Variants in ABLIM1 observed in about 807,000 individuals in gnomAD.
ABLIM1 encodes actin binding LIM protein 1, also known as actin-binding LIM protein 1.
ABLIM1 carries 40 observed loss-of-function variants against 107.0 expected under a neutral mutation model. The observed-to-expected ratio is 0.37, with a 90% CI of 0.29 to 0.49. The LOEUF is 0.49. Ranked by LOEUF, ABLIM1 falls within the 20% of genes least tolerant of loss-of-function variation. ABLIM1 has a pLI of 0.97. For synonymous variants in ABLIM1, 357 were observed against 357.3 expected, an observed-to-expected ratio of 1.00 and a Z score of 0.01; for missense variants, 857 against 1,008.5, an observed-to-expected ratio of 0.85 and a Z score of 2.04.
chr10:114,514,991 A>G (rs2062580514), intron 6 of ABLIM1, among the ~76,000 whole-genome samples: 5 of 152,228 alleles, frequency 3.3e-5, no homozygotes, highest in Admixed American at 3.3e-4. Flanking sequence ...GAGAAATGAA[A>G]AATCTAACAC....
chr10:114,562,071 C>T (rs56757634), intron 4 of ABLIM1, among the ~76,000 whole-genome samples: 10,661 of 152,208 alleles, frequency 0.07, 499 homozygotes, highest in African/African-American at 0.14. Flanking sequence ...AGCCTCTCAA[C>T]ACCTCTCTCA....
At chr10:114,747,083 A>G (rs978814133) in intron 1 of ABLIM1, among the ~76,000 whole-genome samples, 9 of 152,226 alleles carry the variant, frequency 5.9e-5, no homozygotes, top group Non-Finnish European at 1.2e-4. Flanking sequence ...TGTAGAAGGA[A>G]AAGTCTTCAT....
chr10:114,512,773 C>G (rs898047244), intron 6 of ABLIM1, among the ~76,000 whole-genome samples: 1 of 150,138 alleles, frequency 6.7e-6, no homozygotes, highest in African/African-American at 2.5e-5. Flanking sequence ...TGCGGTGAGC[C>G]GAGATCGTGC....
chr10:114,575,312 T>C, intron 3 of ABLIM1, 104 bp downstream of exon 3: 2 of 1,253,510 alleles, frequency 1.6e-6, no homozygotes, highest in African/African-American at 1.5e-5. Context: ...GATAAGAGTA[T>C]GTGCTACTCA....
At chr10:114,736,522 T>C (rs1410141614) in intron 1 of ABLIM1, among the ~76,000 whole-genome samples, 1 of 152,214 alleles carries the variant, frequency 6.6e-6, no homozygotes, top group Non-Finnish European at 1.5e-5. Context: ...ACAAAGGAGA[T>C]ATTTATGCTG....
At chr10:114,650,268 T>C (rs763939222) in intron 1 of ABLIM1, among the ~76,000 whole-genome samples, 1 of 152,220 alleles carries the variant, frequency 6.6e-6, no homozygotes, top group Non-Finnish European at 1.5e-5. Flanking sequence ...TAATCAGCAC[T>C]GGGTCATGCC....
chr10:114,639,239 A>G (rs2078624659), intron 1 of ABLIM1, among the ~76,000 whole-genome samples: 1 of 152,174 alleles, frequency 6.6e-6, no homozygotes, highest in Non-Finnish European at 1.5e-5. Context: ...GTCATCTAAC[A>G]CATCTCAGCA....
intron 1 of ABLIM1, among the ~76,000 whole-genome samples, chr10:114,679,583 C>T (rs1305500305): frequency 6.9e-6 from 1 of 144,266 alleles, no homozygotes; most frequent in East Asian, 2.1e-4. Context: ...TGCAGTGAGC[C>T]GAGATCCTGC....
At chr10:114,644,649 T>C (rs981631990) in intron 1 of ABLIM1, among the ~76,000 whole-genome samples, 2 of 152,106 alleles carry the variant, frequency 1.3e-5, no homozygotes, top group Admixed American at 6.6e-5. Flanking sequence ...GAGAGGCCCA[T>C]ACATCAGCTG....
intron 1 of ABLIM1, among the ~76,000 whole-genome samples, chr10:114,654,357 T>C (rs1347009075): frequency 6.6e-6 from 1 of 152,276 alleles, no homozygotes; most frequent in African/African-American, 2.4e-5. Flanking sequence ...TGACTAATGC[T>C]GACTATATTG....
At chr10:114,740,096 G>T (rs567016205) in intron 1 of ABLIM1, among the ~76,000 whole-genome samples, 1 of 152,014 alleles carries the variant, frequency 6.6e-6, no homozygotes, top group Admixed American at 6.6e-5. Flanking sequence ...AAGAATGTTC[G>T]CCAGAAGTAT....
intron 6 of ABLIM1, among the ~76,000 whole-genome samples, chr10:114,531,092 C>G (rs1590962547): frequency 6.6e-6 from 1 of 152,302 alleles, no homozygotes; most frequent in East Asian, 1.9e-4. Context: ...TTTTCAAACC[C>G]AAGCATCAAC....
At chr10:114,518,820 T>TA (rs11451489) in intron 6 of ABLIM1, among the ~76,000 whole-genome samples, 64,785 of 148,338 alleles carry the variant, frequency 0.44, 14,314 homozygotes, top group South Asian at 0.53. Context: ...TCACACTACT[T>TA]AAAAAAAAAA....
At chr10:114,775,106 T>C in the ABLIM1 span, among the ~76,000 whole-genome samples, 1 of 152,080 alleles carries the variant, frequency 6.6e-6, no homozygotes, top group Admixed American at 6.6e-5. Context: ...CTTCACATGG[T>C]GGCAGGAGAG....
At chr10:114,486,522 A>T (rs188766244) in intron 8 of ABLIM1, among the ~76,000 whole-genome samples, 11 of 152,242 alleles carry the variant, frequency 7.2e-5, no homozygotes, top group Non-Finnish European at 1.5e-4. Context: ...TTTCCAAAGC[A>T]TCCATAGTTT....
At chr10:114,543,373 T>A (rs989789446) in intron 6 of ABLIM1, among the ~76,000 whole-genome samples, 1 of 152,214 alleles carries the variant, frequency 6.6e-6, no homozygotes, top group Non-Finnish European at 1.5e-5. Context: ...CTGTATGGAT[T>A]TACCTATTCT....
rs2058812004 is a variant in ABLIM1 at position 114,431,172 on chromosome 10, A to G, written c.*5088T>C. 1 of 152,284 alleles carries G rather than the reference A, an allele frequency of 6.6e-6. No homozygotes were observed. The highest frequency in any genetic ancestry group is 2.4e-5 in the African/African-American group (1 of 41,456). The allele number at this position is 152,284 out of a possible 1,614,324, so 9.4% of individuals were successfully genotyped here. A position where few individuals can be genotyped will look rare whatever the true frequency, so the allele number is the denominator to read the frequency against. The stretch of plus-strand genomic sequence containing the variant: ...TGAGTATGACAGTGATGCAGAGTAT[A>G]TGACAAAGGAGTGCAGTGAGTGCTG... On this transcript the variant is annotated 3_prime_UTR_variant, in exon 23 of 23. Coordinates refer to ENST00000533213, the MANE Select transcript of ABLIM1 (RefSeq NM_002313.7).
At chr10:114,506,902 G>T (rs188770446) in intron 6 of ABLIM1, among the ~76,000 whole-genome samples, 2 of 152,142 alleles carry the variant, frequency 1.3e-5, no homozygotes, top group African/African-American at 4.8e-5. Flanking sequence ...AATCTTAAAG[G>T]ACTTCATGGG....
intron 2 of ABLIM1, among the ~76,000 whole-genome samples, chr10:114,594,657 G>A (rs2075241797): frequency 6.6e-6 from 1 of 152,192 alleles, no homozygotes; most frequent in Admixed American, 6.5e-5. Context: ...GGCTGAGGCA[G>A]GGGAATCGTT....
Sources: gnomAD v4.1 joint callset for allele counts (sites outside exome capture counted in the v4.1 genomes callset) on GRCh38, gnomAD v4.1.1 for gene constraint, MANE v1.5 for transcripts, NCBI Gene and HGNC (gene_info 2026-07-23, HGNC 2026-07-21) for gene names.